The following RBMS3 variants were observed in gnomAD, a reference collection of about 807,000 sequenced individuals.
RBMS3 encodes RNA binding motif single stranded interacting protein 3.
A neutral mutation model predicts 66.8 loss-of-function variants in RBMS3; 27 were observed. The ratio of observed to expected loss-of-function variants is 0.40; its 90% CI spans 0.30 to 0.56. The LOEUF (loss-of-function observed/expected upper bound fraction) is 0.56. Among genes scored for constraint, RBMS3 ranks in the 20% least tolerant of loss-of-function variants. The pLI is 0.40. For synonymous variants in RBMS3, 188 were observed against 183.0 expected (o/e 1.03, Z -0.22); for missense variants, 513 against 549.5 (o/e 0.93, Z 0.66).
At chr3:29,994,020 C>A (rs868057656) in intron 14 of RBMS3, among the ~76,000 whole-genome samples, 6 of 150,668 alleles carry the variant, frequency 4.0e-5, no homozygotes, top group African/African-American at 1.2e-4. Context: ...TCTGATGTAC[C>A]GGGTTCATCT....
chr3:29,765,100 C>T (rs2149386303), intron 6 of RBMS3, among the ~76,000 whole-genome samples: 1 of 152,058 alleles, frequency 6.6e-6, no homozygotes, highest in East Asian at 1.9e-4. Flanking sequence ...TAAGTAAAGA[C>T]ATTTAATCTT....
chr3:29,315,752 T>C (rs764288508), intron 1 of RBMS3, among the ~76,000 whole-genome samples: 1 of 151,706 alleles, frequency 6.6e-6, no homozygotes, highest in Non-Finnish European at 1.5e-5. Flanking sequence ...TTTTGGTACA[T>C]GTATAGGGGC....
At chr3:29,388,856 G>T (rs1304079277) in intron 1 of RBMS3, among the ~76,000 whole-genome samples, 1 of 152,072 alleles carries the variant, frequency 6.6e-6, no homozygotes, top group Non-Finnish European at 1.5e-5. Context: ...GAGTCACTGC[G>T]CCTGGCCCAA....
rs1294053769 is a variant in RBMS3, at chr3:29,347,609, A to T, written c.75+65853A>T. Among the ~76,000 whole-genome samples, 3 of 152,292 alleles carry T rather than the reference A, an allele frequency of 2.0e-5. No individual in the cohort carries two copies. The East Asian group carries it at 5.8e-4, about 29-fold the overall frequency. On this transcript the variant is annotated intron_variant, in intron 1 of 14. Coordinates refer to ENST00000383767, the MANE Select transcript of RBMS3 (RefSeq NM_001003793.3). ...TCACAGGAAATAGTCAATTATGTGGATTCCACGCAGTTTCCAAGGTTATGA... is the reference window on the plus strand; with the variant it reads ...TCACAGGAAATAGTCAATTATGTGGTTTCCACGCAGTTTCCAAGGTTATGA...
intron 10 of RBMS3, among the ~76,000 whole-genome samples, chr3:29,925,485 A>G (rs34969339): frequency 0.54 from 82,196 of 152,084 alleles, 24,117 homozygotes; most frequent in Non-Finnish European, 0.67. Context: ...AATCGTATGG[A>G]GATGATTGAG....
At chr3:29,876,048 A>G (rs903293619) in intron 7 of RBMS3, among the ~76,000 whole-genome samples, 1 of 152,246 alleles carries the variant, frequency 6.6e-6, no homozygotes, top group African/African-American at 2.4e-5. Flanking sequence ...CTACATTTAA[A>G]GGATAAATCC....
intron 6 of RBMS3, chr3:29,797,504 T>C (rs1204335008): frequency 6.6e-6 from 1 of 152,234 alleles, no homozygotes; most frequent in African/African-American, 2.4e-5. Flanking sequence ...TTTCTTATCA[T>C]TCATGTGTTC....
chr3:29,676,564 T>G (rs183399406), intron 4 of RBMS3, among the ~76,000 whole-genome samples: 4 of 152,214 alleles, frequency 2.6e-5, no homozygotes, highest in African/African-American at 7.2e-5. Flanking sequence ...ACAACCATCA[T>G]AACCAAAATT....
rs753133544 is a variant in RBMS3, at chr3:29,642,313, T to C, written c.399+55108T>C. ...CTCAGCTTTCCACCTTTGTTATATT[T>C]GCATTTTGCCATACCTGCCTGTTAA... On this transcript the variant is annotated intron_variant, in intron 4 of 14. Transcript: ENST00000383767. Among the ~76,000 whole-genome samples, 4 of 152,112 alleles carry C rather than the reference T, an allele frequency of 2.6e-5. No homozygotes were observed. In the East Asian group the frequency reaches 5.8e-4, roughly 22 times the overall value.
intron 7 of RBMS3, among the ~76,000 whole-genome samples, chr3:29,869,488 T>C (rs1051274376): frequency 5.9e-5 from 9 of 151,824 alleles, no homozygotes; most frequent in Non-Finnish European, 7.4e-5. Flanking sequence ...CACACACACA[T>C]ATATAAAATA....
intron 1 of RBMS3, among the ~76,000 whole-genome samples, chr3:29,422,975 A>G (rs1023254821): frequency 6.6e-6 from 1 of 152,244 alleles, no homozygotes; most frequent in African/African-American, 2.4e-5. Flanking sequence ...TAAAGCAACA[A>G]AACTATTTTA....
chr3:29,327,810 A>C (rs945520157), intron 1 of RBMS3, among the ~76,000 whole-genome samples: 1 of 152,140 alleles, frequency 6.6e-6, no homozygotes, highest in African/African-American at 2.4e-5. Flanking sequence ...AAAAGCTTGT[A>C]TTTATATGTA....
chr3:29,489,530 T>A (rs2043449051), intron 3 of RBMS3, among the ~76,000 whole-genome samples: 1 of 151,696 alleles, frequency 6.6e-6, no homozygotes, highest in African/African-American at 2.4e-5. Flanking sequence ...AATATCCTTA[T>A]TAGGATTACT....
chr3:29,833,643 G>GA (rs918759782), intron 6 of RBMS3, among the ~76,000 whole-genome samples: 15 of 151,628 alleles, frequency 9.9e-5, no homozygotes, highest in Admixed American at 2.6e-4. Flanking sequence ...AGATAAAAAA[G>GA]AAAAAAACAG....
intron 1 of RBMS3, among the ~76,000 whole-genome samples, chr3:29,307,447 A>G (rs2034088070): frequency 6.6e-6 from 1 of 151,930 alleles, no homozygotes; most frequent in Non-Finnish European, 1.5e-5. Context: ...ATGATAGGCC[A>G]GCTATACATA....
intron 4 of RBMS3, among the ~76,000 whole-genome samples, chr3:29,634,032 C>T (rs1337694842): frequency 6.6e-6 from 1 of 151,728 alleles, no homozygotes; most frequent in Non-Finnish European, 1.5e-5. Flanking sequence ...TTGCTTCTGA[C>T]AAAGGAAGAT....
At chr3:29,869,287 T>A (rs2059433575) in intron 7 of RBMS3, among the ~76,000 whole-genome samples, 1 of 152,158 alleles carries the variant, frequency 6.6e-6, no homozygotes, top group African/African-American at 2.4e-5. Context: ...AGGGTATAAT[T>A]ACTTAACAAA....
chr3:29,727,371 C>G (rs140514139), intron 4 of RBMS3, among the ~76,000 whole-genome samples: 2 of 152,092 alleles, frequency 1.3e-5, no homozygotes, highest in Admixed American at 1.3e-4. Context: ...CAGATTGGAT[C>G]AAATCAAACT....
At chr3:29,763,099 C>G (rs376251270) in intron 6 of RBMS3, 110 bp downstream of exon 6, 26 of 679,360 alleles carry the variant, frequency 3.8e-5, no homozygotes, top group Middle Eastern at 5.0e-4. Context: ...GGGGGGTTTG[C>G]TTTTCTTAAT....
Sources: allele counts gnomAD v4.1 joint callset (sites outside exome capture counted in the v4.1 genomes callset), GRCh38; gene constraint gnomAD v4.1.1; transcripts MANE v1.5; gene names NCBI Gene and HGNC (gene_info 2026-07-23, HGNC 2026-07-21).